The following CCDC192 variants were observed in gnomAD, a reference collection of about 807,000 sequenced individuals.
CCDC192 encodes coiled-coil domain-containing protein 192.
intron 5 of CCDC192, among the ~76,000 whole-genome samples, chr5:127,868,300 G>A (rs954207530): frequency 6.6e-6 from 1 of 152,190 alleles, no homozygotes. Context: ...TATGGGGTCA[G>A]AGAAGGGGGC....
In CCDC192 at chr5:127,871,847, G is replaced by A. The variant is rs139239885; in HGVS notation, c.412-3691G>A. Among the ~76,000 whole-genome samples, 746 of 152,258 alleles carry A rather than the reference G, an allele frequency of 4.9e-3. 5 individuals carry two copies. The highest frequency in any genetic ancestry group is 0.017 in the African/African-American group (687 of 41,552). On this transcript the variant is annotated intron_variant, in intron 5 of 6. Transcript: ENST00000514853. ...ATTTCCTCCCTCTTTCCACCCGGTA[G>A]GAGAAGTAGGAAAAGAGCACGGTAA...
At chr5:127,710,642 C>T (rs953974690) in intron 2 of CCDC192, among the ~76,000 whole-genome samples, 1 of 152,030 alleles carries the variant, frequency 6.6e-6, no homozygotes, top group Non-Finnish European at 1.5e-5. Context: ...GAGCTCCAGG[C>T]GTAGTAGCAG....
chr5:127,827,856 C>T (rs190146163), intron 5 of CCDC192, among the ~76,000 whole-genome samples: 1 of 152,314 alleles, frequency 6.6e-6, no homozygotes, highest in Admixed American at 6.5e-5. Context: ...CAACTCTACC[C>T]ATGTAAAATC....
At chr5:127,834,596 T>G (rs1230408104) in intron 5 of CCDC192, among the ~76,000 whole-genome samples, 1 of 152,206 alleles carries the variant, frequency 6.6e-6, no homozygotes, top group Non-Finnish European at 1.5e-5. Flanking sequence ...ATATTCATAG[T>G]ATCTTTGCAG....
chr5:127,810,572 G>C (rs1758026508), intron 5 of CCDC192, among the ~76,000 whole-genome samples: 1 of 152,128 alleles, frequency 6.6e-6, no homozygotes, highest in African/African-American at 2.4e-5. Context: ...GCAAAAGTTG[G>C]CTGTAGTCTT....
At chr5:127,870,414 CA>C (rs908242729) in intron 5 of CCDC192, among the ~76,000 whole-genome samples, 2 of 152,082 alleles carry the variant, frequency 1.3e-5, no homozygotes, top group Non-Finnish European at 1.5e-5. Flanking sequence ...AAAACAAAAA[CA>C]AAAAAACTAA....
intron 6 of CCDC192, among the ~76,000 whole-genome samples, chr5:127,899,891 T>C (rs928356885): frequency 1.3e-5 from 2 of 152,200 alleles, no homozygotes; most frequent in Non-Finnish European, 2.9e-5. Flanking sequence ...GGACCTCAGG[T>C]GTCCTCTGTG....
intron 6 of CCDC192, among the ~76,000 whole-genome samples, chr5:127,924,664 A>G (rs575518061): frequency 1.3e-5 from 2 of 152,344 alleles, no homozygotes; most frequent in Admixed American, 1.3e-4. Context: ...CTGACAGTAG[A>G]GGCAGGATGG....
intron 6 of CCDC192, among the ~76,000 whole-genome samples, chr5:127,921,087 A>AGAAAGGAAAGGAAAGGAAAG (rs141415438): frequency 2.3e-4 from 30 of 131,774 alleles, no homozygotes; most frequent in African/African-American, 9.0e-4. Flanking sequence ...GGAAAGGAAA[A>AGAAAGGAAAGGAAAGGAAAG]GAAAGGAAAG....
At chr5:127,789,507 A>G (rs1454306821) in intron 3 of CCDC192, among the ~76,000 whole-genome samples, 1 of 152,272 alleles carries the variant, frequency 6.6e-6, no homozygotes, top group Non-Finnish European at 1.5e-5. Context: ...TGCAGAAGAT[A>G]GAATTTGTGA....
chr5:127,741,482 G>A (rs1753415238), intron 2 of CCDC192, among the ~76,000 whole-genome samples: 1 of 152,172 alleles, frequency 6.6e-6, no homozygotes, highest in African/African-American at 2.4e-5. Flanking sequence ...CACCCTGAAA[G>A]CATATACAAA....
chr5:127,738,973 G>A (rs1349662057), intron 2 of CCDC192, among the ~76,000 whole-genome samples: 1 of 151,864 alleles, frequency 6.6e-6, no homozygotes, highest in Non-Finnish European at 1.5e-5. Flanking sequence ...TGCTGGTGAG[G>A]AACTGTGTTC....
At chr5:127,850,253 C>T (rs1210191161) in intron 5 of CCDC192, among the ~76,000 whole-genome samples, 1 of 152,178 alleles carries the variant, frequency 6.6e-6, no homozygotes. Context: ...TAAAATTCAG[C>T]TACATTCTGC....
In CCDC192 at chr5:127,738,598, A is replaced by C. The variant is rs565693247; in HGVS notation, c.115-15670A>C. Reference sequence around the variant, plus strand: ...AGACGTAGATTTGGTCTTTTCACATAGTCCCATATTTCTTGGAGGCTTTGC... The same window carrying C: ...AGACGTAGATTTGGTCTTTTCACATCGTCCCATATTTCTTGGAGGCTTTGC... On this transcript the variant is annotated intron_variant, in intron 2 of 6. Transcript: ENST00000514853. Among the ~76,000 whole-genome samples, 19 of 147,476 alleles carry C rather than the reference A, an allele frequency of 1.3e-4. No individual in the cohort carries two copies. In the South Asian group the frequency reaches 4.2e-3, roughly 33 times the overall value.
chr5:127,855,786 A>C (rs116279722), intron 5 of CCDC192, among the ~76,000 whole-genome samples: 117 of 152,344 alleles, frequency 7.7e-4, no homozygotes, highest in African/African-American at 2.8e-3. Flanking sequence ...CTCTTGGGTG[A>C]CTAGGTGCAT....
intron 3 of CCDC192, among the ~76,000 whole-genome samples, chr5:127,796,256 G>A (rs181905530): frequency 1.6e-3 from 237 of 152,324 alleles, no homozygotes; most frequent in African/African-American, 5.5e-3. Context: ...GGACAATTAA[G>A]TTTTCTCAAA....
At position 127,922,855 on chromosome 5, in the gene CCDC192, G is replaced by A. The variant is rs563655100; in HGVS notation, c.536-18327G>A. Among the ~76,000 whole-genome samples the A allele has an allele frequency of 2.0e-5, 3 of 152,336 alleles. No homozygotes were observed. In the East Asian group the frequency reaches 5.8e-4, roughly 29 times the overall value. ...CATCTAAATGAACCAATGGGATGTG[G>A]GGAGTATTTGTTGAAGCTAGCAGGA... is the stretch of plus-strand genomic sequence containing the variant. On this transcript the variant is annotated intron_variant, in intron 6 of 6. Coordinates refer to ENST00000514853, the MANE Select transcript of CCDC192 (RefSeq NM_001317938.2).
intron 6 of CCDC192, among the ~76,000 whole-genome samples, chr5:127,906,189 C>G (rs1236919277): frequency 6.6e-6 from 1 of 152,142 alleles, no homozygotes; most frequent in Non-Finnish European, 1.5e-5. Flanking sequence ...TAACTGCTCT[C>G]CCCCGCCTGC....
At chr5:127,885,619 A>G (rs1298652104) in intron 6 of CCDC192, among the ~76,000 whole-genome samples, 1 of 152,232 alleles carries the variant, frequency 6.6e-6, no homozygotes, top group Non-Finnish European at 1.5e-5. Flanking sequence ...TACATTGGTC[A>G]TATGAATACA....
Sources: allele counts gnomAD v4.1 joint callset (sites outside exome capture counted in the v4.1 genomes callset), GRCh38; gene constraint gnomAD v4.1.1; transcripts MANE v1.5; gene names NCBI Gene and HGNC (gene_info 2026-07-23, HGNC 2026-07-21).